Variants in CARMIL2 observed in about 807,000 individuals in gnomAD.
CARMIL2 encodes the protein capping protein regulator and myosin 1 linker 2.
A neutral mutation model predicts 173.3 loss-of-function variants in CARMIL2; 96 were observed. The ratio of observed to expected loss-of-function variants is 0.55; its 90% confidence interval spans 0.47 to 0.66. The LOEUF (loss-of-function observed/expected upper bound fraction) is 0.66. Ranked by LOEUF, CARMIL2 falls within the 30% of genes least tolerant of loss-of-function variation. The probability of loss-of-function intolerance (pLI) is 0.00; values close to 1 mark genes in which losing one functional copy is unlikely to be tolerated. For synonymous variants in CARMIL2, 830 were observed against 817.1 expected (o/e 1.02, Z -0.27); for missense variants, 1,771 against 1,906.7 (o/e 0.93, Z 1.33).
chr16:67,646,667 G>A lies in CARMIL2; in HGVS notation c.467-47G>A. The A allele has an allele frequency of 6.2e-7, 1 of 1,602,776 alleles. No individual in the cohort carries two copies. Among genetic ancestry groups the A allele is most frequent in the South Asian group, 1.1e-5 (1 of 90,882 alleles). On this transcript the variant is annotated intron_variant, in intron 6 of 37. Coordinates refer to ENST00000334583, the MANE Select transcript of CARMIL2 (RefSeq NM_001013838.3). The surrounding 1 kb of genome is among the most constrained non-coding windows in gnomAD (Gnocchi z 4.6). ...GGTCTGGTCTTCCTCCATCGCTGATGTTTTGTCTCTCTCCTTTTCCACATC... is the reference window on the plus strand; with the variant it reads ...GGTCTGGTCTTCCTCCATCGCTGATATTTTGTCTCTCTCCTTTTCCACATC...
rs372343294 is a variant in CARMIL2, at chr16:67,654,450, C to T, written c.3340C>T (p.Arg1114Trp). The T allele has an allele frequency of 8.7e-6, 14 of 1,613,016 alleles. No individual in the cohort carries two copies. Among genetic ancestry groups the T allele is most frequent in the Non-Finnish European group, 1.1e-5 (13 of 1,179,668 alleles). ...FKKPRSTRGP[R>W]TDLETSPGAA... is the part of the protein sequence containing the mutation. ...GAAGCCTCGTTCAACGCGGGGTCCA[C>T]GGACTGATCTAGAGACCAGCCCTGG... is the stretch of plus-strand genomic sequence containing the variant. The change falls in exon 31 of 38, where the codon CGG becomes TGG. Residue 1114 changes from arginine (R) to tryptophan (W), a missense_variant. By Grantham distance (101) the Arg-to-Trp change is moderately radical (BLOSUM62 -3). Coordinates refer to ENST00000334583, the MANE Select transcript of CARMIL2 (RefSeq NM_001013838.3).
Position 67,650,085 on chromosome 16 carries a change from C to T in CARMIL2, c.2119C>T (p.Pro707Ser). 2 of 1,613,806 alleles carry T rather than the reference C, an allele frequency of 1.2e-6. No individual in the cohort carries two copies. The highest frequency in any genetic ancestry group is 2.2e-5 in the East Asian group (1 of 44,882). The change falls in exon 22 of 38, where the codon CCT becomes TCT. Residue 707 changes from proline to serine, a missense_variant. Pro to Ser is a moderately conservative substitution (Grantham distance 74, BLOSUM62 -1). Transcript: ENST00000334583. ...ACLLRNNRAD[P>S]ASSDHTTRLQ... ...TCTCTTGAGGAACAACCGCGCAGAC[C>T]CTGCCTCTTCTGACCACACGACCCG...
chr16:67,655,911 C>A, intron 32 of CARMIL2, 120 bp from the exon 33 acceptor site: 2 of 1,189,916 alleles, frequency 1.7e-6, no homozygotes, highest in South Asian at 1.5e-5. Flanking sequence ...CTGGGTTTGC[C>A]ATGTTCTTGT....
At position 67,646,051 on chromosome 16, in the gene CARMIL2, G is replaced by A. The variant is rs761988007; in HGVS notation, c.220G>A (p.Ala74Thr). 10 of 1,613,808 alleles carry A rather than the reference G, an allele frequency of 6.2e-6. No individual in the cohort carries two copies. The Admixed American group carries it at 8.3e-5, about 13-fold the overall frequency. Residue 74 changes from alanine (A) to threonine (T), a missense_variant, in exon 4 of 38, where the codon GCC (alanine) becomes ACC (threonine). This residue lies in a region of CARMIL2 where 944 missense variants were observed against 975.6 expected (regional missense o/e 0.97). Transcript: ENST00000334583. The surrounding 1 kb of genome is among the most constrained non-coding windows in gnomAD (Gnocchi z 4.6). ...DCTFSYLEVQAMALQETPPQV... is the reference protein window; with the variant it reads ...DCTFSYLEVQTMALQETPPQV... ...CACGTTCAGCTACCTGGAGGTCCAG[G>A]CCATGGCGCTGCAGGAGACACCCCC...
chr16:67,653,342 G>C lies in CARMIL2; in HGVS notation c.3120+88G>C. On this transcript the variant is annotated intron_variant, in intron 29 of 37. Transcript: ENST00000334583. This position sits in a 1 kb window ranked among gnomAD's most constrained non-coding sequence, Gnocchi z 7.4. ...CCTCATGGGTGGTAGCGGTCAAGGA[G>C]AGGGGGTGGTGGGGGCCCAAGGCCA... 1 of 642,782 alleles carries C rather than the reference G, an allele frequency of 1.6e-6. No homozygotes were observed. The highest frequency in any genetic ancestry group is 2.0e-6 in the Non-Finnish European group (1 of 498,250). The allele number at this position is 642,782 out of a possible 1,614,324, so 39.8% of individuals were successfully genotyped here.
At chr16:67,650,545 A>C in intron 22 of CARMIL2, 2 of 231,454 alleles carry the variant, frequency 8.6e-6, no homozygotes, top group East Asian at 1.0e-4. Context: ...AGATGTTTCT[A>C]CCTCTCCATT....
rs762428246 is a variant in CARMIL2, at chr16:67,648,220, A to C, written c.1240A>C (p.Asn414His). Residue 414 changes from asparagine (N) to histidine (H), a missense_variant, in exon 14 of 38, where the codon AAC (asparagine) becomes CAC (histidine). Around this residue, in one of 3 missense-constraint regions of CARMIL2, gnomAD observed 944 missense variants for 975.6 expected, o/e 0.97. Transcript: ENST00000334583. The surrounding 1 kb of genome is among the most constrained non-coding windows in gnomAD (Gnocchi z 6.1). ...GCTCGGTCCCCCCGCGGGTGTAGCC[A>C]ACAGCCTCCCCCCGCAGCTCTTCGC... ...GGLGPPAGVA[N>H]SLPPQLFAAV... The C allele has an allele frequency of 1.5e-5, 24 of 1,604,696 alleles. No individual in the cohort carries two copies. Among genetic ancestry groups the C allele is most frequent in the Non-Finnish European group, 1.9e-5 (22 of 1,176,680 alleles).
rs149565542 is a variant in CARMIL2, at chr16:67,648,654, TCCCGCCAC to T, written c.1440-26_1440-19del. On this transcript the variant is annotated intron_variant, in intron 15 of 37. Transcript: ENST00000334583. This position sits in a 1 kb window ranked among gnomAD's most constrained non-coding sequence, Gnocchi z 6.1. ...GCACCCTGGAGCCCCCTGTCCCAGC[TCCCGCCAC>T]CCCGTGTAACGTCCTCTCCCAGAGC... 453 of 1,585,798 alleles carry T rather than the reference TCCCGCCAC, an allele frequency of 2.9e-4. No homozygotes were observed. The African/African-American group carries it at 5.7e-3, about 20-fold the overall frequency.
chr16:67,648,046 C>G lies in CARMIL2; in HGVS notation c.1072-6C>G, dbSNP rs1422016432. The G allele has an allele frequency of 6.2e-7, 1 of 1,611,336 alleles. No homozygotes were observed. The highest frequency in any genetic ancestry group is 8.5e-7 in the Non-Finnish European group (1 of 1,178,918). ...CCACTCCATCGCACCCCTGTCCTCC[C>G]TCCAGGGCCTCTATAGCTTCCTGAG... On this transcript the variant is annotated splice_polypyrimidine_tract_variant and splice_region_variant and intron_variant, in intron 13 of 37. Coordinates refer to ENST00000334583, the MANE Select transcript of CARMIL2 (RefSeq NM_001013838.3). This position sits in a 1 kb window ranked among gnomAD's most constrained non-coding sequence, Gnocchi z 6.1.
rs1277130393 is a variant in CARMIL2 at position 67,657,076 on chromosome 16, G to C, written c.4118-163G>C. 3 of 781,464 alleles carry C rather than the reference G, an allele frequency of 3.8e-6. No homozygotes were observed. The highest frequency in any genetic ancestry group is 1.7e-5 in the African/African-American group (1 of 57,454). 48.4% of individuals were successfully genotyped at this position (781,464 alleles called of 1,614,324 possible). On this transcript the variant is annotated intron_variant, in intron 36 of 37. Transcript: ENST00000334583. This position sits in a 1 kb window ranked among gnomAD's most constrained non-coding sequence, Gnocchi z 4.5. ...ACTAGCACTGGCTCCACTTCCCGAA[G>C]AGCAGCCTCTGCCAGGGGTGAGGAC...
chr16:67,646,233 T>C lies in CARMIL2; in HGVS notation c.297T>C (p.Pro99=), dbSNP rs527821497. The C allele has an allele frequency of 8.1e-6, 13 of 1,613,780 alleles. No individual in the cohort carries two copies. In the East Asian group the frequency reaches 2.7e-4, roughly 33 times the overall value. Residue 99 remains proline, a synonymous_variant, in exon 5 of 38, where the codon CCT becomes CCC. Coordinates refer to ENST00000334583, the MANE Select transcript of CARMIL2 (RefSeq NM_001013838.3). This position sits in a 1 kb window ranked among gnomAD's most constrained non-coding sequence, Gnocchi z 4.6. ...TGCGTGAGCTGGTCCTGGAGTTTCCTGGTGTGGCCGCCCTGGAACAGCTGG... is the reference window on the plus strand; with the variant it reads ...TGCGTGAGCTGGTCCTGGAGTTTCCCGGTGTGGCCGCCCTGGAACAGCTGG... ...ESLRELVLEF[P]GVAALEQLAQ...
Position 67,648,595 on chromosome 16 carries a change from C to T in CARMIL2, c.1440-90C>T. ...GCTCCTGCTTCTGTCGCTCCCACAA[C>T]CTCCCCCAGATCCTGGCCCTGCCTC... On this transcript the variant is annotated intron_variant, in intron 15 of 37. Transcript: ENST00000334583. The surrounding 1 kb of genome is among the most constrained non-coding windows in gnomAD (Gnocchi z 6.1). 6.8e-7 allele frequency: 1 copy of T among 1,480,356 alleles called. No individual in the cohort carries two copies. The highest frequency in any genetic ancestry group is 1.2e-5 in the South Asian group (1 of 82,342). The allele number at this position is 1,480,356 out of a possible 1,614,324, so 91.7% of individuals were successfully genotyped here.
intron 10 of CARMIL2, 49 bp from the exon 11 acceptor site, chr16:67,647,459 G>A (rs779271620): frequency 2.2e-5 from 35 of 1,562,466 alleles, no homozygotes; most frequent in Admixed American, 1.5e-4. Context: ...GGCCTGGGAG[G>A]GGTTGGCAAA....
rs530620018 is a variant in CARMIL2, at chr16:67,650,971, C to T, written c.2185-216C>T. 6.7e-4 allele frequency: 353 copies of T among 524,508 alleles called. 2 individuals are homozygous for T. Among genetic ancestry groups the T allele is most frequent in the Middle Eastern group, 2.5e-3 (5 of 1,972 alleles). The allele number at this position is 524,508 out of a possible 1,614,324, so 32.5% of individuals were successfully genotyped here. A position where few individuals can be genotyped will look rare whatever the true frequency, so the allele number is the denominator to read the frequency against. ...ACATGATTTACAACTCCTTTCCTTCCTATTCTGGGCACTTAGGAAGTGTAT... is the reference window on the plus strand; with the variant it reads ...ACATGATTTACAACTCCTTTCCTTCTTATTCTGGGCACTTAGGAAGTGTAT... On this transcript the variant is annotated intron_variant, in intron 22 of 37. Transcript: ENST00000334583.
chr16:67,651,826 G>T lies in CARMIL2; in HGVS notation c.2569G>T (p.Asp857Tyr), dbSNP rs773455738. Residue 857 changes from aspartate to tyrosine, a missense_variant, in exon 25 of 38, where the codon GAT becomes TAT. Asp to Tyr is a radical substitution (Grantham distance 160). Coordinates refer to ENST00000334583, the MANE Select transcript of CARMIL2 (RefSeq NM_001013838.3). This position sits in a 1 kb window ranked among gnomAD's most constrained non-coding sequence, Gnocchi z 4.2. ...GCTGCTCCCAGAGCAGCTGCTGCAA[G>T]ATGCCTTCACTAGGCTCAGGTAGGC... ...PELLPEQLLQ[D>Y]AFTRLRDMRL... The T allele has an allele frequency of 2.5e-6, 4 of 1,612,346 alleles. No individual in the cohort carries two copies. The highest frequency in any genetic ancestry group is 1.7e-4 in the Middle Eastern group (1 of 6,050).
chr16:67,653,079 C>A lies in CARMIL2; in HGVS notation c.2945C>A (p.Pro982Gln). 1 of 1,242,390 alleles carries A rather than the reference C, an allele frequency of 8.0e-7. No individual in the cohort carries two copies. The highest frequency in any genetic ancestry group is 1.0e-6 in the Non-Finnish European group (1 of 983,644). 77.0% of individuals were successfully genotyped at this position (1,242,390 alleles called of 1,614,324 possible). A position where few individuals can be genotyped will look rare whatever the true frequency, so the allele number is the denominator to read the frequency against. ...ELAAPGEDAE[P>Q]QAGPSARGSP... ...GCGGCTCCGGGAGAAGATGCAGAGC[C>A]GCAGGCGGGGCCGTCCGCGCGCGGC... The change falls in exon 29 of 38, where the codon CCG becomes CAG. Residue 982 changes from proline to glutamine, a missense_variant. Pro to Gln is a moderately conservative substitution (Grantham distance 76). Coordinates refer to ENST00000334583, the MANE Select transcript of CARMIL2 (RefSeq NM_001013838.3). The surrounding 1 kb of genome is among the most constrained non-coding windows in gnomAD (Gnocchi z 7.4).
Position 67,657,065 on chromosome 16 carries a change from C to A in CARMIL2, c.4118-174C>A. On this transcript the variant is annotated intron_variant, in intron 36 of 37. Transcript: ENST00000334583. This position sits in a 1 kb window ranked among gnomAD's most constrained non-coding sequence, Gnocchi z 4.5. Reference sequence around the variant, plus strand: ...AAGCCCTTCCAACTAGCACTGGCTCCACTTCCCGAAGAGCAGCCTCTGCCA... The same window carrying A: ...AAGCCCTTCCAACTAGCACTGGCTCAACTTCCCGAAGAGCAGCCTCTGCCA... 1 of 762,566 alleles carries A rather than the reference C, an allele frequency of 1.3e-6. No individual in the cohort carries two copies. The highest frequency in any genetic ancestry group is 2.2e-6 in the Non-Finnish European group (1 of 464,456). The allele number at this position is 762,566 out of a possible 1,614,324, so 47.2% of individuals were successfully genotyped here. A position where few individuals can be genotyped will look rare whatever the true frequency, so the allele number is the denominator to read the frequency against.
At position 67,657,521 on chromosome 16, in the gene CARMIL2, C is replaced by G. The variant is rs1310582747; in HGVS notation, c.*3C>G. On this transcript the variant is annotated 3_prime_UTR_variant, in exon 38 of 38. Transcript: ENST00000334583. This position sits in a 1 kb window ranked among gnomAD's most constrained non-coding sequence, Gnocchi z 4.5. ...GAGGCGGCGGCCCCAATCCCTGATC[C>G]TCTCCTCTCCTGCCGCATGAGATTA... 1.2e-6 allele frequency: 2 copies of G among 1,613,386 alleles called. No homozygotes were observed. The highest frequency in any genetic ancestry group is 1.3e-5 in the African/African-American group (1 of 74,926).
rs199981156 is a variant in CARMIL2, at chr16:67,645,810, G to A, written c.186+33G>A. The A allele has an allele frequency of 2.9e-5, 47 of 1,608,022 alleles. 1 individual carries two copies. Among genetic ancestry groups the A allele is most frequent in the South Asian group, 1.6e-4 (15 of 91,032 alleles). ...CCAGGGCCTGGCCACACCCCCGCCC[G>A]CCAGCAGCTACCTTGGCAGGGGGCT... On this transcript the variant is annotated intron_variant, in intron 3 of 37. Coordinates refer to ENST00000334583, the MANE Select transcript of CARMIL2 (RefSeq NM_001013838.3).
Sources: gnomAD v4.1 joint callset for allele counts on GRCh38, gnomAD v4.1.1 for gene constraint, gnomAD v4.1.1 regional missense constraint, Gnocchi (gnomAD v3.1) non-coding constraint, MANE v1.5 for transcripts, NCBI Gene and HGNC (gene_info 2026-07-23, HGNC 2026-07-21) for gene names.